The following MSTO1 variants were observed in gnomAD, a reference collection of about 807,000 sequenced individuals.
MSTO1 encodes misato mitochondrial distribution and morphology regulator 1.
MSTO1 carries 24 observed loss-of-function variants against 55.7 expected under a neutral mutation model. The observed-to-expected ratio is 0.43, with a 90% CI of 0.31 to 0.61. The LOEUF is 0.61. Among genes scored for constraint, MSTO1 ranks in the 20% least tolerant of loss-of-function variants. The probability of loss-of-function intolerance (pLI) is 0.09; values close to 1 mark genes in which losing one functional copy is unlikely to be tolerated. For synonymous variants in MSTO1, 162 were observed against 252.8 expected (o/e 0.64, Z 3.41); for missense variants, 363 against 625.7 (o/e 0.58, Z 4.48).
the MSTO1 span, among the ~76,000 whole-genome samples, chr1:155,594,582 ATTTT>A: frequency 6.6e-6 from 1 of 151,752 alleles, no homozygotes; most frequent in Non-Finnish European, 1.5e-5. Flanking sequence ...TTTGAGACTT[ATTTT>A]GACATCATTC....
chr1:155,610,086 G>A (rs1571213450), upstream of MSTO1: 1 of 694,968 alleles, frequency 1.4e-6, no homozygotes, highest in African/African-American at 1.8e-5. Flanking sequence ...CGTCTAGGAA[G>A]AGGTAGGAAG....
the MSTO1 span, among the ~76,000 whole-genome samples, chr1:155,599,403 G>A: frequency 5.3e-5 from 8 of 152,048 alleles, no homozygotes; most frequent in African/African-American, 1.9e-4. Context: ...AGGTCACCAC[G>A]GGGTTTTTTT....
chr1:155,596,394 C>T, the MSTO1 span, among the ~76,000 whole-genome samples: 3 of 152,230 alleles, frequency 2.0e-5, no homozygotes, highest in East Asian at 3.8e-4. Context: ...GCTACCCCTA[C>T]ATCTACGGTT....
At chr1:155,568,631 G>C in the MSTO1 span, among the ~76,000 whole-genome samples, 266 of 151,150 alleles carry the variant, frequency 1.8e-3, no homozygotes, top group African/African-American at 6.1e-3. Flanking sequence ...GTAGAGACAG[G>C]ATTTCACTAT....
intron 6 of MSTO1, 42 bp downstream of exon 6, chr1:155,611,869 C>A: frequency 1.5e-6 from 1 of 674,958 alleles, no homozygotes; most frequent in Non-Finnish European, 2.3e-6. Flanking sequence ...AACATGGGTC[C>A]CCACCAATGC....
upstream of MSTO1, chr1:155,609,931 A>G (rs1022031440): frequency 9.7e-6 from 4 of 411,160 alleles, no homozygotes; most frequent in Admixed American, 8.6e-5. Flanking sequence ...AGTAGGAAGC[A>G]GAGCCTTCCA....
chr1:155,572,720 G>C, the MSTO1 span, among the ~76,000 whole-genome samples: 1 of 151,840 alleles, frequency 6.6e-6, no homozygotes, highest in African/African-American at 2.4e-5. Flanking sequence ...GCATGATCTC[G>C]GTTTGCTGCA....
the MSTO1 span, among the ~76,000 whole-genome samples, chr1:155,582,902 G>A: frequency 2.0e-5 from 3 of 151,440 alleles, no homozygotes; most frequent in East Asian, 5.9e-4. Flanking sequence ...TGTGGAGGCA[G>A]GATCTCACTC....
chr1:155,609,274 C>G (rs1673316090), upstream of MSTO1, among the ~76,000 whole-genome samples: 1 of 91,882 alleles, frequency 1.1e-5, no homozygotes, highest in African/African-American at 4.2e-5. Context: ...GAGACAGAGT[C>G]TCGCTCTGTC....
intron 12 of MSTO1, 43 bp downstream of exon 12, chr1:155,613,609 C>T (rs1218443285): frequency 6.3e-7 from 1 of 1,582,722 alleles, no homozygotes; most frequent in Admixed American, 1.8e-5. Flanking sequence ...CAACCGCAAC[C>T]CTCCCTTGAC....
the MSTO1 span, among the ~76,000 whole-genome samples, chr1:155,585,073 T>C: frequency 2.0e-5 from 3 of 152,198 alleles, no homozygotes; most frequent in African/African-American, 7.2e-5. Flanking sequence ...TGTGATTCTC[T>C]TGACTGTACT....
chr1:155,597,922 T>G, the MSTO1 span, among the ~76,000 whole-genome samples: 5 of 151,870 alleles, frequency 3.3e-5, no homozygotes, highest in African/African-American at 1.2e-4. Context: ...GTTCGAGCGA[T>G]TCTCCTGCCT....
chr1:155,611,634 G>T (rs1477890021), intron 5 of MSTO1, 31 bp downstream of exon 5: 1 of 1,355,348 alleles, frequency 7.4e-7, no homozygotes, highest in African/African-American at 1.5e-5. Context: ...GATGGATGGG[G>T]GCTTGGGTAG....
the MSTO1 span, among the ~76,000 whole-genome samples, chr1:155,585,540 A>AT: frequency 6.6e-6 from 1 of 151,198 alleles, no homozygotes; most frequent in Non-Finnish European, 1.5e-5. Flanking sequence ...AAAAAAAAAA[A>AT]GAAAAGTGAA....
chr1:155,597,818 T>C, the MSTO1 span, among the ~76,000 whole-genome samples: 2 of 148,322 alleles, frequency 1.3e-5, no homozygotes, highest in Non-Finnish European at 3.0e-5. Context: ...CCACTACTTT[T>C]TGTCTTTTTT....
chr1:155,570,982 C>G, the MSTO1 span, among the ~76,000 whole-genome samples: 1 of 152,146 alleles, frequency 6.6e-6, no homozygotes, highest in Non-Finnish European at 1.5e-5. Flanking sequence ...GCACTGTTAT[C>G]AGAATTGTAA....
At chr1:155,572,515 C>T in the MSTO1 span, among the ~76,000 whole-genome samples, 2 of 152,048 alleles carry the variant, frequency 1.3e-5, no homozygotes, top group Non-Finnish European at 2.9e-5. Context: ...AGTTCAAGAC[C>T]ATCCTGGCCA....
the MSTO1 span, among the ~76,000 whole-genome samples, chr1:155,595,882 C>A: frequency 1.3e-5 from 2 of 152,012 alleles, no homozygotes; most frequent in African/African-American, 4.8e-5. Flanking sequence ...ATGAGAAGAG[C>A]AGCATTTAAA....
the MSTO1 span, among the ~76,000 whole-genome samples, chr1:155,572,680 C>T: frequency 4.0e-5 from 6 of 151,882 alleles, no homozygotes; most frequent in South Asian, 2.1e-4. Context: ...GATGGAGTTT[C>T]GCTCTTGTTG....
Sources: gnomAD v4.1 joint callset for allele counts (sites outside exome capture counted in the v4.1 genomes callset) on GRCh38, gnomAD v4.1.1 for gene constraint, MANE v1.5 for transcripts, NCBI Gene and HGNC (gene_info 2026-07-23, HGNC 2026-07-21) for gene names.